Variants in MARK3 observed in about 807,000 individuals in gnomAD.
MARK3 encodes MAP/microtubule affinity-regulating kinase 3.
In MARK3, 46 loss-of-function variants were observed where a neutral mutation model predicts 90.1. That is an observed-to-expected ratio of 0.51 (90% confidence interval 0.40 to 0.65). The LOEUF is 0.65. MARK3 is among the 30% of genes least tolerant of loss of function. MARK3 has a pLI of 0.00. For synonymous variants in MARK3, 321 were observed against 332.6 expected (o/e 0.97, Z 0.38); for missense variants, 818 against 947.2 (o/e 0.86, Z 1.79).
chr14:103,423,946 C>G (rs1161139119), intron 2 of MARK3, among the ~76,000 whole-genome samples: 1 of 152,202 alleles, frequency 6.6e-6, no homozygotes, highest in African/African-American at 2.4e-5. Flanking sequence ...TGGCTCATGC[C>G]TGTAATTCCA....
intron 17 of MARK3, among the ~76,000 whole-genome samples, chr14:103,502,087 G>A (rs980725323): frequency 5.9e-5 from 9 of 152,164 alleles, no homozygotes; most frequent in African/African-American, 2.2e-4. Flanking sequence ...ATGACTAAAT[G>A]CCAAGGAGTG....
At chr14:103,391,822 T>G (rs1429077718) in intron 1 of MARK3, among the ~76,000 whole-genome samples, 1 of 149,636 alleles carries the variant, frequency 6.7e-6, no homozygotes, top group African/African-American at 2.5e-5. Context: ...CCTCCCAAAG[T>G]GCTGGGATTA....
chr14:103,423,213 T>TTTTTTTTTTTTTTTTTTTC, intron 2 of MARK3, among the ~76,000 whole-genome samples: 1 of 149,102 alleles, frequency 6.7e-6, no homozygotes, highest in Non-Finnish European at 1.5e-5. Context: ...TTTTTTTTTT[T>TTTTTTTTTTTTTTTTTTTC]TGCCTCCTCT....
chr14:103,498,054 TGAAAATATAG>T, intron 15 of MARK3, among the ~76,000 whole-genome samples: 1 of 152,256 alleles, frequency 6.6e-6, no homozygotes, highest in South Asian at 2.1e-4. Context: ...CTATCTCTAC[TGAAAATATAG>T]AAATTAACTG....
chr14:103,444,603 C>T (rs1033096149), intron 3 of MARK3, among the ~76,000 whole-genome samples: 3 of 152,038 alleles, frequency 2.0e-5, no homozygotes, highest in African/African-American at 7.2e-5. Context: ...ATGGTGAAAC[C>T]CCGTCTCTAC....
chr14:103,428,279 G>A, intron 2 of MARK3, 108 bp from the exon 3 acceptor site: 1 of 590,476 alleles, frequency 1.7e-6, no homozygotes, highest in Non-Finnish European at 3.0e-6. Flanking sequence ...AGGTTTTGTG[G>A]TTTGTTGCTT....
intron 13 of MARK3, among the ~76,000 whole-genome samples, chr14:103,479,090 G>A (rs918590872): frequency 1.3e-5 from 2 of 151,974 alleles, no homozygotes; most frequent in African/African-American, 4.8e-5. Flanking sequence ...GTGCAAACAC[G>A]GCTCATTGCA....
chr14:103,477,866 C>T (rs982575279), intron 13 of MARK3, among the ~76,000 whole-genome samples: 4 of 151,976 alleles, frequency 2.6e-5, no homozygotes, highest in African/African-American at 9.7e-5. Context: ...TGATGCACAC[C>T]TGTAGTACCA....
chr14:103,484,318 A>G (rs1413376965), intron 14 of MARK3, among the ~76,000 whole-genome samples: 1 of 152,020 alleles, frequency 6.6e-6, no homozygotes, highest in Non-Finnish European at 1.5e-5. Flanking sequence ...CTGGGATTAC[A>G]GGCACACACC....
At chr14:103,395,356 A>G (rs966883454) in intron 1 of MARK3, among the ~76,000 whole-genome samples, 1 of 80,414 alleles carries the variant, frequency 1.2e-5, no homozygotes, top group Non-Finnish European at 2.5e-5. Flanking sequence ...ATCAAAAGAG[A>G]ATAACATCAT....
chr14:103,437,710 A>T (rs1320810762), intron 3 of MARK3, among the ~76,000 whole-genome samples: 3 of 152,226 alleles, frequency 2.0e-5, no homozygotes, highest in African/African-American at 7.2e-5. Context: ...GAAAATATAA[A>T]CTTGGGTGCA....
chr14:103,423,151 C>G (rs2092281297), intron 2 of MARK3, among the ~76,000 whole-genome samples: 1 of 140,108 alleles, frequency 7.1e-6, no homozygotes, highest in South Asian at 2.4e-4. Flanking sequence ...TCCAAGATGA[C>G]TAATGCATCA....
intron 10 of MARK3, among the ~76,000 whole-genome samples, chr14:103,466,692 A>G (rs1320783520): frequency 6.6e-6 from 1 of 152,114 alleles, no homozygotes; most frequent in Non-Finnish European, 1.5e-5. Context: ...GTCAAATGAA[A>G]ATTATTTTAC....
intron 2 of MARK3, among the ~76,000 whole-genome samples, chr14:103,407,554 CTTTTT>C (rs71460673): frequency 9.8e-5 from 7 of 71,660 alleles, no homozygotes; most frequent in South Asian, 6.4e-4. Context: ...TGTTTTGCCT[CTTTTT>C]TTTTTTTTTT....
At chr14:103,428,362 C>T in intron 2 of MARK3, 25 bp from the exon 3 acceptor site, 1 of 1,243,070 alleles carries the variant, frequency 8.0e-7, no homozygotes, top group African/African-American at 1.5e-5. Context: ...TCTTAAAATC[C>T]ATAAATATTT....
chr14:103,458,663 T>G (rs974238507), intron 6 of MARK3: 2 of 634,462 alleles, frequency 3.2e-6, no homozygotes, highest in Admixed American at 5.1e-5. Flanking sequence ...AAGGCCTACA[T>G]TGAAATGGAA....
At chr14:103,412,529 C>A (rs1024697778) in intron 2 of MARK3, 1 of 546,904 alleles carries the variant, frequency 1.8e-6, no homozygotes. Flanking sequence ...GGGGGATATC[C>A]GTGGCCTTGG....
At chr14:103,447,909 A>G (rs1179052416) in intron 3 of MARK3, among the ~76,000 whole-genome samples, 1 of 151,948 alleles carries the variant, frequency 6.6e-6, no homozygotes, top group Non-Finnish European at 1.5e-5. Context: ...AGTAGCTGGG[A>G]CTACAGACAC....
intron 1 of MARK3, among the ~76,000 whole-genome samples, chr14:103,400,549 G>T (rs147748481): frequency 1.3e-5 from 2 of 152,206 alleles, no homozygotes; most frequent in African/African-American, 4.8e-5. Context: ...TAATCCATAA[G>T]AATTAAACTC....
Sources: allele counts gnomAD v4.1 joint callset (sites outside exome capture counted in the v4.1 genomes callset), GRCh38; gene constraint gnomAD v4.1.1; transcripts MANE v1.5; gene names NCBI Gene and HGNC (gene_info 2026-07-23, HGNC 2026-07-21).